SCYL3: variants seen among roughly 807,000 people sequenced by gnomAD.
The protein encoded by SCYL3 is protein-associating with the carboxyl-terminal domain of ezrin.
SCYL3 carries 35 observed loss-of-function variants against 73.8 expected under a neutral mutation model. The observed-to-expected ratio is 0.47, with a 90% confidence interval of 0.36 to 0.63. SCYL3 has a LOEUF of 0.63. Among genes scored for constraint, SCYL3 ranks in the 20% least tolerant of loss-of-function variants. The probability of loss-of-function intolerance (pLI) is 0.00; values close to 1 mark genes in which losing one functional copy is unlikely to be tolerated. For synonymous variants in SCYL3, 277 were observed against 295.2 expected (o/e 0.94, Z 0.63); for missense variants, 712 against 798.9 (o/e 0.89, Z 1.31).
chr1:169,863,450 T>A (rs1321720117), intron 9 of SCYL3, among the ~76,000 whole-genome samples: 1 of 152,214 alleles, frequency 6.6e-6, no homozygotes, highest in African/African-American at 2.4e-5. Context: ...TTGTTGTAGT[T>A]TTATTTGCAA....
At chr1:169,866,805 A>T (rs1292410612) in intron 8 of SCYL3, 91 bp downstream of exon 8, 2 of 751,130 alleles carry the variant, frequency 2.7e-6, no homozygotes, top group Non-Finnish European at 4.5e-6. Context: ...AATAAACCAA[A>T]TATATGACTC....
intron 6 of SCYL3, among the ~76,000 whole-genome samples, chr1:169,870,043 C>G (rs1660287184): frequency 1.3e-5 from 2 of 152,168 alleles, no homozygotes; most frequent in Non-Finnish European, 2.9e-5. Flanking sequence ...GTTCAAAGTG[C>G]TTCCTACTTA....
chr1:169,867,112 A>T (rs1022320521), intron 7 of SCYL3, 139 bp from the exon 8 acceptor site: 2 of 580,514 alleles, frequency 3.4e-6, no homozygotes, highest in African/African-American at 1.9e-5. Flanking sequence ...TATTACAACT[A>T]AGTAGCTTAT....
chr1:169,884,850 C>T (rs1039155017), intron 2 of SCYL3, among the ~76,000 whole-genome samples: 4 of 152,194 alleles, frequency 2.6e-5, no homozygotes, highest in Non-Finnish European at 5.9e-5. Flanking sequence ...AACCTTATTT[C>T]TCACTCTCCT....
intron 4 of SCYL3, among the ~76,000 whole-genome samples, chr1:169,875,171 G>A (rs1185683988): frequency 6.6e-6 from 1 of 152,284 alleles, no homozygotes; most frequent in East Asian, 1.9e-4. Flanking sequence ...GAAGGTACAC[G>A]TTAGACATGG....
intron 11 of SCYL3, among the ~76,000 whole-genome samples, chr1:169,858,280 G>C (rs1659348904): frequency 6.6e-6 from 1 of 151,570 alleles, no homozygotes; most frequent in African/African-American, 2.4e-5. Flanking sequence ...TTTTTACTTT[G>C]AAACTTTTTT....
intron 11 of SCYL3, among the ~76,000 whole-genome samples, chr1:169,856,624 A>G (rs1471215953): frequency 6.6e-6 from 1 of 152,096 alleles, no homozygotes; most frequent in Non-Finnish European, 1.5e-5. Flanking sequence ...AGGCCTCTAC[A>G]AGCCCTCCAC....
chr1:169,861,093 C>G (rs1423085296), intron 10 of SCYL3, among the ~76,000 whole-genome samples: 1 of 152,170 alleles, frequency 6.6e-6, no homozygotes, highest in African/African-American at 2.4e-5. Context: ...CAACTACATA[C>G]AGGGTAACAA....
chr1:169,865,104 G>A (rs1367712845), intron 8 of SCYL3, among the ~76,000 whole-genome samples: 1 of 151,898 alleles, frequency 6.6e-6, no homozygotes, highest in Non-Finnish European at 1.5e-5. Context: ...ACCCTAAGAA[G>A]ACAGGCTTTG....
At chr1:169,855,969 T>TA (rs1295387459) in intron 11 of SCYL3, 1 of 1,606,702 alleles carries the variant, frequency 6.2e-7, no homozygotes, top group Admixed American at 1.7e-5. Flanking sequence ...TGAAGGTAAA[T>TA]AAAAACTCCA....
intron 10 of SCYL3, among the ~76,000 whole-genome samples, chr1:169,860,549 T>C (rs1558121269): frequency 6.6e-6 from 1 of 152,236 alleles, no homozygotes; most frequent in Non-Finnish European, 1.5e-5. Flanking sequence ...TCCTCATTTA[T>C]ATAGTAAGAT....
rs539274418 is a variant in SCYL3, at chr1:169,850,525, C to G, written c.*3188G>C. 2 of 519,080 alleles carry G rather than the reference C, an allele frequency of 3.9e-6. No individual in the cohort carries two copies. 32.2% of individuals were successfully genotyped at this position (519,080 alleles called of 1,614,324 possible). On this transcript the variant is annotated 3_prime_UTR_variant, in exon 13 of 13. Transcript: ENST00000367771. ...GAAGTAAAACACTTGGGGCCAGGCG[C>G]GGCGGCTCATGCCTGTAATCCCAGC...
chr1:169,889,162 G>C (rs1661884294), intron 1 of SCYL3, among the ~76,000 whole-genome samples: 1 of 152,078 alleles, frequency 6.6e-6, no homozygotes. Flanking sequence ...AGAGTGGAAA[G>C]GCAATCAAAA....
At position 169,852,289 on chromosome 1, in the gene SCYL3, G is replaced by A. The variant is rs1658468092; in HGVS notation, c.*1424C>T. 1 of 308,206 alleles carries A rather than the reference G, an allele frequency of 3.2e-6. No homozygotes were observed. Among genetic ancestry groups the A allele is most frequent in the Non-Finnish European group, 6.1e-6 (1 of 163,300 alleles). The allele number at this position is 308,206 out of a possible 1,614,324, so 19.1% of individuals were successfully genotyped here. On this transcript the variant is annotated 3_prime_UTR_variant, in exon 13 of 13. Transcript: ENST00000367771. Reference sequence around the variant, plus strand: ...ATTCCTTGCCTTATTAATCAAATGAGTCTCCTAATAATTTTTGGCAGTAAC... The same window carrying A: ...ATTCCTTGCCTTATTAATCAAATGAATCTCCTAATAATTTTTGGCAGTAAC...
At chr1:169,893,974 C>T, upstream of SCYL3, 1 of 152,498 alleles carries the variant, frequency 6.6e-6, no homozygotes, top group Non-Finnish European at 1.5e-5. Context: ...GCCCACCTTC[C>T]TCCCTCCGAC....
At position 169,869,056 on chromosome 1, in the gene SCYL3, C is replaced by T; in HGVS notation, c.626-17G>A. The T allele has an allele frequency of 6.3e-7, 1 of 1,599,330 alleles. No individual in the cohort carries two copies. The highest frequency in any genetic ancestry group is 1.1e-5 in the South Asian group (1 of 90,624). On this transcript the variant is annotated splice_polypyrimidine_tract_variant and intron_variant, in intron 6 of 12. Transcript: ENST00000367771. The stretch of plus-strand genomic sequence containing the variant: ...CCGCTGAAACTGAAATCCAGAGCTA[C>T]AGTTAGTTTCCAATGCCTTCTCCCT...
chr1:169,880,753 T>C (rs1312222903), intron 2 of SCYL3, among the ~76,000 whole-genome samples: 2 of 147,178 alleles, frequency 1.4e-5, no homozygotes, highest in Admixed American at 7.1e-5. Flanking sequence ...ACAATAAATA[T>C]GAAGGCCACT....
chr1:169,852,841 T>G lies in SCYL3; in HGVS notation c.*872A>C. ...GTTCCCCTGGGAAGAAGAGTACAGGTCAGCGCTGCATACAATAGCAGGGGC... is the reference window on the plus strand; with the variant it reads ...GTTCCCCTGGGAAGAAGAGTACAGGGCAGCGCTGCATACAATAGCAGGGGC... On this transcript the variant is annotated 3_prime_UTR_variant, in exon 13 of 13. Coordinates refer to ENST00000367771, the MANE Select transcript of SCYL3 (RefSeq NM_020423.7). The G allele has an allele frequency of 6.2e-7, 1 of 1,614,138 alleles. No individual in the cohort carries two copies. Among genetic ancestry groups the G allele is most frequent in the South Asian group, 1.1e-5 (1 of 91,088 alleles).
intron 1 of SCYL3, among the ~76,000 whole-genome samples, chr1:169,889,979 T>A (rs1661961190): frequency 2.6e-5 from 4 of 152,198 alleles, no homozygotes; most frequent in Non-Finnish European, 4.4e-5. Context: ...TTCCAAATCT[T>A]CTACAATATG....
Sources: allele counts gnomAD v4.1 joint callset (sites outside exome capture counted in the v4.1 genomes callset), GRCh38; gene constraint gnomAD v4.1.1; transcripts MANE v1.5; gene names NCBI Gene and HGNC (gene_info 2026-07-23, HGNC 2026-07-21).